CENPP: variants seen among roughly 807,000 people sequenced by gnomAD.
The protein encoded by CENPP is centromere protein P.
A neutral mutation model predicts 35.6 loss-of-function variants in CENPP; 24 were observed. That is an observed-to-expected ratio of 0.67 (90% CI 0.49 to 0.95). CENPP has a LOEUF of 0.95. Ranked by LOEUF, CENPP falls within the 40% of genes least tolerant of loss-of-function variation. CENPP has a pLI of 0.00. For missense variants in CENPP, 332 were observed against 345.3 expected, an observed-to-expected ratio of 0.96 and a Z score of 0.31; for synonymous variants, 120 against 125.5, an observed-to-expected ratio of 0.96 and a Z score of 0.29.
At position 92,416,732 on chromosome 9, in the gene CENPP, A is replaced by G. The variant is rs369950897; in HGVS notation, c.564+36873A>G. ...TTCTACAATGTTGGGAAGATTAAAA[A>G]TATTATATGGGATGTCTTGTAGTTT... On this transcript the variant is annotated intron_variant, in intron 5 of 7. Coordinates refer to ENST00000375587, the MANE Select transcript of CENPP (RefSeq NM_001012267.3). 19 of 1,613,536 alleles carry G rather than the reference A, an allele frequency of 1.2e-5. No homozygotes were observed. Among genetic ancestry groups the G allele is most frequent in the Admixed American group, 1.7e-5 (1 of 60,002 alleles).
intron 5 of CENPP, among the ~76,000 whole-genome samples, chr9:92,514,425 C>G (rs1563978791): frequency 1.3e-5 from 2 of 151,942 alleles, no homozygotes; most frequent in Non-Finnish European, 2.9e-5. Flanking sequence ...CAGGCATGCC[C>G]CACCACGCCC....
chr9:92,597,195 C>A (rs1206545047), intron 5 of CENPP, among the ~76,000 whole-genome samples: 1 of 151,994 alleles, frequency 6.6e-6, no homozygotes, highest in Non-Finnish European at 1.5e-5. Context: ...TATTCTGAGC[C>A]TTAGTTTCAT....
At chr9:92,430,516 CTGGCTAATT>C (rs1844080356) in intron 5 of CENPP, among the ~76,000 whole-genome samples, 1 of 151,780 alleles carries the variant, frequency 6.6e-6, no homozygotes, top group Admixed American at 6.6e-5. Context: ...ACAACTACAC[CTGGCTAATT>C]TTTGTATTGT....
intron 5 of CENPP, among the ~76,000 whole-genome samples, chr9:92,547,346 G>A (rs902724571): frequency 1.2e-4 from 19 of 152,300 alleles, no homozygotes; most frequent in African/African-American, 4.6e-4. Context: ...ATGAAAACTT[G>A]AGGACAATTG....
At chr9:92,554,764 A>G (rs1849685216) in intron 5 of CENPP, among the ~76,000 whole-genome samples, 1 of 151,934 alleles carries the variant, frequency 6.6e-6, no homozygotes, top group South Asian at 2.1e-4. Context: ...CAGCCTCCCA[A>G]ATAGCTGAGA....
chr9:92,413,416 T>C (rs1843501004), intron 5 of CENPP, among the ~76,000 whole-genome samples: 1 of 152,230 alleles, frequency 6.6e-6, no homozygotes, highest in African/African-American at 2.4e-5. Flanking sequence ...TTTGTCTGCC[T>C]TTTGATTTCA....
rs538502012 is a variant in CENPP, at chr9:92,490,375, A to G, written c.564+110516A>G. Among the ~76,000 whole-genome samples the G allele has an allele frequency of 2.6e-5, 4 of 152,340 alleles. No individual in the cohort carries two copies. The South Asian group carries it at 8.3e-4, about 32-fold the overall frequency. On this transcript the variant is annotated intron_variant, in intron 5 of 7. Coordinates refer to ENST00000375587, the MANE Select transcript of CENPP (RefSeq NM_001012267.3). ...TGTAATGGTCATTTGGTGTTAAGTT[A>G]GAGCTGGGCAGAAACTTCTTTTCAT...
intron 5 of CENPP, among the ~76,000 whole-genome samples, chr9:92,419,663 G>A (rs1843728148): frequency 6.6e-6 from 1 of 152,158 alleles, no homozygotes; most frequent in African/African-American, 2.4e-5. Flanking sequence ...AGCTATGCAT[G>A]TACAAGTACT....
At position 92,593,899 on chromosome 9, in the gene CENPP, C is replaced by T. The variant is rs749445984; in HGVS notation, c.565-17415C>T. Among the ~76,000 whole-genome samples, 6 of 152,152 alleles carry T rather than the reference C, an allele frequency of 3.9e-5. No individual in the cohort carries two copies. The highest frequency in any genetic ancestry group is 8.8e-5 in the Non-Finnish European group (6 of 68,026). ...CAAGAATATAGGTACACTTTGCTAC[C>T]TTTCTCACGAATCTCAAAGGTAATA... On this transcript the variant is annotated intron_variant, in intron 5 of 7. Coordinates refer to ENST00000375587, the MANE Select transcript of CENPP (RefSeq NM_001012267.3). The surrounding 1 kb of genome is among the most constrained non-coding windows in gnomAD (Gnocchi z 4.1).
intron 5 of CENPP, among the ~76,000 whole-genome samples, chr9:92,497,810 C>T (rs1255313987): frequency 1.3e-5 from 2 of 150,334 alleles, no homozygotes; most frequent in East Asian, 3.9e-4. Context: ...AGATTGATAT[C>T]CTCTCTAGGA....
Position 92,577,596 on chromosome 9 carries a change from TA to T in CENPP, c.565-33717del, listed in dbSNP as rs1452467355. 6.6e-5 allele frequency among the ~76,000 whole-genome samples: 10 copies of T among 152,202 alleles called. No individual in the cohort carries two copies. The East Asian group carries it at 1.9e-3, about 29-fold the overall frequency. On this transcript the variant is annotated intron_variant, in intron 5 of 7. Coordinates refer to ENST00000375587, the MANE Select transcript of CENPP (RefSeq NM_001012267.3). ...AGGCAAAAAAATAAGCTTTCTTGTT[TA>T]GGGGTGCATACTTAAGTAAGGAAAA...
At chr9:92,571,408 C>A (rs1222345821) in intron 5 of CENPP, among the ~76,000 whole-genome samples, 3 of 152,164 alleles carry the variant, frequency 2.0e-5, no homozygotes, top group Non-Finnish European at 2.9e-5. Context: ...GTTTCTTAAT[C>A]CTGAGTTCTA....
rs191773461 is a variant in CENPP at position 92,516,102 on chromosome 9, C to G, written c.565-95212C>G. On this transcript the variant is annotated intron_variant, in intron 5 of 7. Coordinates refer to ENST00000375587, the MANE Select transcript of CENPP (RefSeq NM_001012267.3). ...CCCCCGAGACGGAGTCTTGCTCTGTCGCCCAGGCTGGAATGCAGTGGCATG... is the reference window on the plus strand; with the variant it reads ...CCCCCGAGACGGAGTCTTGCTCTGTGGCCCAGGCTGGAATGCAGTGGCATG... Among the ~76,000 whole-genome samples the G allele has an allele frequency of 5.1e-3, 768 of 151,014 alleles. 5 individuals are homozygous for G. Among genetic ancestry groups the G allele is most frequent in the Admixed American group, 0.012 (176 of 15,108 alleles).
chr9:92,506,119 A>G (rs1410172786), intron 5 of CENPP, among the ~76,000 whole-genome samples: 2 of 152,222 alleles, frequency 1.3e-5, no homozygotes, highest in Admixed American at 6.5e-5. Context: ...AGATGTATGA[A>G]GTGGCAGCAT....
At chr9:92,585,404 T>G (rs1294386417) in intron 5 of CENPP, among the ~76,000 whole-genome samples, 1 of 152,230 alleles carries the variant, frequency 6.6e-6, no homozygotes. Flanking sequence ...GACTATCCAT[T>G]CACCAGTTGA....
chr9:92,351,653 T>C (rs571277841), intron 4 of CENPP, among the ~76,000 whole-genome samples: 2 of 152,274 alleles, frequency 1.3e-5, no homozygotes, highest in African/African-American at 2.4e-5. Context: ...TTTCTTTAGA[T>C]GGAGTCTCGC....
intron 5 of CENPP, among the ~76,000 whole-genome samples, chr9:92,539,603 G>A (rs1239116615): frequency 6.6e-6 from 1 of 152,070 alleles, no homozygotes; most frequent in Non-Finnish European, 1.5e-5. Context: ...TAAATTTCTG[G>A]AAGATAAGCA....
intron 5 of CENPP, among the ~76,000 whole-genome samples, chr9:92,575,556 G>C (rs1169293530): frequency 6.6e-6 from 1 of 152,176 alleles, no homozygotes; most frequent in Non-Finnish European, 1.5e-5. Flanking sequence ...GCTCACGCCT[G>C]TAATCTCAGC....
chr9:92,393,034 A>T (rs1842751600), intron 5 of CENPP: 2 of 1,462,672 alleles, frequency 1.4e-6, no homozygotes, highest in Non-Finnish European at 1.9e-6. Flanking sequence ...TGTTTATATG[A>T]GTTAAATACT....
Sources: gnomAD v4.1 joint callset for allele counts (sites outside exome capture counted in the v4.1 genomes callset) on GRCh38, gnomAD v4.1.1 for gene constraint, Gnocchi (gnomAD v3.1) non-coding constraint, MANE v1.5 for transcripts, NCBI Gene and HGNC (gene_info 2026-07-23, HGNC 2026-07-21) for gene names.